HCN1: variants seen among roughly 807,000 people sequenced by gnomAD.
The protein encoded by HCN1 is potassium/sodium hyperpolarization-activated cyclic nucleotide-gated channel 1.
HCN1 carries 13 observed loss-of-function variants against 78.9 expected under a neutral mutation model. The observed-to-expected ratio is 0.16, with a 90% CI of 0.11 to 0.26. The LOEUF (loss-of-function observed/expected upper bound fraction) is 0.26. Ranked by LOEUF, HCN1 falls within the 10% of genes least tolerant of loss-of-function variation. HCN1 has a pLI of 1.00. For synonymous variants in HCN1, 552 were observed against 455.5 expected, an observed-to-expected ratio of 1.21 and a Z score of -2.70; for missense variants, 810 against 1,154.3, an observed-to-expected ratio of 0.70 and a Z score of 4.32.
intron 4 of HCN1, among the ~76,000 whole-genome samples, chr5:45,368,571 T>C (rs1747283990): frequency 6.6e-6 from 1 of 151,974 alleles, no homozygotes; most frequent in South Asian, 2.1e-4. Context: ...GACCTAAATA[T>C]GTATTTCTAG....
chr5:45,551,315 A>G (rs1248049756), intron 2 of HCN1, among the ~76,000 whole-genome samples: 2 of 151,928 alleles, frequency 1.3e-5, no homozygotes, highest in East Asian at 3.9e-4. Context: ...TCTATTGCAC[A>G]TCTAATGTCA....
intron 2 of HCN1, among the ~76,000 whole-genome samples, chr5:45,605,373 G>T (rs1744703367): frequency 6.6e-6 from 1 of 151,782 alleles, no homozygotes; most frequent in Non-Finnish European, 1.5e-5. Flanking sequence ...GAATAATTTT[G>T]TAGCATTGTT....
At chr5:45,558,038 G>A (rs557651675) in intron 2 of HCN1, 1 of 151,934 alleles carries the variant, frequency 6.6e-6, no homozygotes, top group East Asian at 1.9e-4. Flanking sequence ...ACCAAAAGCT[G>A]GGCCTCTTAT....
intron 6 of HCN1, among the ~76,000 whole-genome samples, chr5:45,269,438 T>G (rs1021294406): frequency 6.6e-6 from 1 of 152,216 alleles, no homozygotes; most frequent in Non-Finnish European, 1.5e-5. Flanking sequence ...GTTTTGTCTC[T>G]TTTTCTAGGT....
At chr5:45,565,967 C>T (rs191897084) in intron 2 of HCN1, among the ~76,000 whole-genome samples, 5 of 152,230 alleles carry the variant, frequency 3.3e-5, no homozygotes, top group Admixed American at 3.3e-4. Flanking sequence ...AATGTGTTCT[C>T]AGAGTAACTT....
chr5:45,457,745 A>G (rs1402718661), intron 3 of HCN1, among the ~76,000 whole-genome samples: 4 of 152,178 alleles, frequency 2.6e-5, no homozygotes, highest in Non-Finnish European at 4.4e-5. Flanking sequence ...CTACCACGGC[A>G]TAAGGATAGA....
At chr5:45,613,693 A>T (rs1744887500) in intron 2 of HCN1, among the ~76,000 whole-genome samples, 1 of 152,150 alleles carries the variant, frequency 6.6e-6, no homozygotes, top group Non-Finnish European at 1.5e-5. Context: ...TATTCACAAT[A>T]GCAAAGACTT....
intron 4 of HCN1, among the ~76,000 whole-genome samples, chr5:45,363,303 C>T (rs1331089432): frequency 6.6e-6 from 1 of 151,430 alleles, no homozygotes; most frequent in African/African-American, 2.4e-5. Context: ...TGCATCAGGG[C>T]TCTCTGGGAA....
intron 3 of HCN1, among the ~76,000 whole-genome samples, chr5:45,428,105 T>C (rs1740387912): frequency 1.3e-5 from 2 of 149,438 alleles, no homozygotes; most frequent in Admixed American, 6.6e-5. Flanking sequence ...CTATTCTTTA[T>C]CTATGGATAA....
chr5:45,408,996 T>C (rs1739978234), intron 3 of HCN1, among the ~76,000 whole-genome samples: 2 of 152,136 alleles, frequency 1.3e-5, no homozygotes, highest in African/African-American at 4.8e-5. Flanking sequence ...ATTTATTAAA[T>C]ATGCAGTTTT....
chr5:45,270,557 C>T (rs754748848), intron 6 of HCN1, among the ~76,000 whole-genome samples: 11 of 152,230 alleles, frequency 7.2e-5, no homozygotes, highest in African/African-American at 2.4e-4. Context: ...CCCTTTGTCT[C>T]GTCTCCTGGT....
At chr5:45,289,902 C>A (rs1422058153) in intron 6 of HCN1, among the ~76,000 whole-genome samples, 1 of 151,946 alleles carries the variant, frequency 6.6e-6, no homozygotes, top group Non-Finnish European at 1.5e-5. Flanking sequence ...TTTGTATTCT[C>A]TCATGGTAGA....
chr5:45,544,406 CCA>C (rs1243325630), intron 2 of HCN1, among the ~76,000 whole-genome samples: 1 of 151,896 alleles, frequency 6.6e-6, no homozygotes, highest in African/African-American at 2.4e-5. Flanking sequence ...TAGAAAATCA[CCA>C]GTTACCTCCT....
chr5:45,673,758 A>G (rs1746203938), intron 1 of HCN1, among the ~76,000 whole-genome samples: 1 of 151,588 alleles, frequency 6.6e-6, no homozygotes. Context: ...GACATTTTAA[A>G]ATAGACCCCT....
At chr5:45,640,288 G>A (rs1745426894) in intron 2 of HCN1, among the ~76,000 whole-genome samples, 1 of 152,116 alleles carries the variant, frequency 6.6e-6, no homozygotes, top group Non-Finnish European at 1.5e-5. Flanking sequence ...TTTAGAACAT[G>A]GGAGATTGCC....
rs574178826 is a variant in HCN1, at chr5:45,435,261, G to A, written c.1011+26585C>T. ...CCAATGTATTGATACGATGACTGAAGCTTGCATGTTATCATGGTATTTTAT... is the reference window on the plus strand; with the variant it reads ...CCAATGTATTGATACGATGACTGAAACTTGCATGTTATCATGGTATTTTAT... On this transcript the variant is annotated intron_variant, in intron 3 of 7. Coordinates refer to ENST00000303230, the MANE Select transcript of HCN1 (RefSeq NM_021072.4). 8.5e-5 allele frequency among the ~76,000 whole-genome samples: 13 copies of A among 152,086 alleles called. No homozygotes were observed. In the South Asian group the frequency reaches 2.5e-3, roughly 29 times the overall value.
At chr5:45,655,965 T>C (rs900085755) in intron 1 of HCN1, among the ~76,000 whole-genome samples, 6 of 152,088 alleles carry the variant, frequency 3.9e-5, no homozygotes, top group Non-Finnish European at 8.8e-5. Flanking sequence ...TTTCAAAAAA[T>C]ATGTACACAG....
intron 1 of HCN1, among the ~76,000 whole-genome samples, chr5:45,690,547 TA>T (rs1045256685): frequency 5.3e-5 from 8 of 152,012 alleles, no homozygotes; most frequent in African/African-American, 1.9e-4. Context: ...TGCAAAAACA[TA>T]AAATTCCAGG....
intron 5 of HCN1, among the ~76,000 whole-genome samples, chr5:45,323,277 A>G (rs751150253): frequency 2.0e-5 from 3 of 149,156 alleles, no homozygotes; most frequent in Non-Finnish European, 4.5e-5. Context: ...ATGTTCTTAT[A>G]TTGATTGTGT....
Sources: allele counts gnomAD v4.1 joint callset (sites outside exome capture counted in the v4.1 genomes callset), GRCh38; gene constraint gnomAD v4.1.1; transcripts MANE v1.5; gene names NCBI Gene and HGNC (gene_info 2026-07-23, HGNC 2026-07-21).